CHMP1A: variants seen among roughly 807,000 people sequenced by gnomAD.
The protein encoded by CHMP1A is charged multivesicular body protein 1A, also known as VPS46 homolog A.
In CHMP1A, 17 loss-of-function variants were observed where a neutral mutation model predicts 27.0. The observed-to-expected ratio is 0.63, with a 90% CI of 0.43 to 0.95. The LOEUF (loss-of-function observed/expected upper bound fraction) is 0.95, where lower values mean the gene tolerates loss of function less well. Among genes scored for constraint, CHMP1A ranks in the 40% least tolerant of loss-of-function variants. CHMP1A has a pLI of 0.00. For synonymous variants in CHMP1A, 131 were observed against 107.5 expected (o/e 1.22, Z -1.35); for missense variants, 275 against 264.0 (o/e 1.04, Z -0.29).
chr16:89,657,519 G>T, intron 1 of CHMP1A, 63 bp downstream of exon 1: 7 of 1,596,090 alleles, frequency 4.4e-6, no homozygotes, highest in South Asian at 1.1e-5. Context: ...CGGAGCCCAC[G>T]CCAGTGGGAG....
intron 3 of CHMP1A, 142 bp from the exon 4 acceptor site, chr16:89,649,639 G>T (rs139789687): frequency 4.2e-6 from 4 of 958,110 alleles, no homozygotes; most frequent in Admixed American, 5.0e-5. Context: ...GCAGTGGCAC[G>T]ATCTCGACTC....
intron 1 of CHMP1A, among the ~76,000 whole-genome samples, 187 bp downstream of exon 1, chr16:89,657,395 G>A (rs1174069128): frequency 6.6e-6 from 1 of 150,722 alleles, no homozygotes; most frequent in Admixed American, 6.6e-5. Flanking sequence ...ATCGGGGGAC[G>A]ACGACCGGGA....
At chr16:89,647,031 C>A in intron 5 of CHMP1A, 172 bp downstream of exon 5, 1 of 1,522,150 alleles carries the variant, frequency 6.6e-7, no homozygotes, top group Non-Finnish European at 8.8e-7. Context: ...CCTGCCCACC[C>A]TACCTGTCAG....
In CHMP1A at chr16:89,657,701, G is replaced by A; in HGVS notation, c.-113C>T. On this transcript the variant is annotated 5_prime_UTR_variant, in exon 1 of 7. Coordinates refer to ENST00000397901, the MANE Select transcript of CHMP1A (RefSeq NM_002768.5). ...AAGCTGCACCCGGCGGGGACTTCCG[G>A]GGTCGCCGCCCCACTTCCGGTCGCA... The A allele has an allele frequency of 1.3e-6, 2 of 1,559,696 alleles. No individual in the cohort carries two copies. Among genetic ancestry groups the A allele is most frequent in the Non-Finnish European group, 1.7e-6 (2 of 1,155,210 alleles).
At chr16:89,654,025 AAC>A (rs958863695) in intron 1 of CHMP1A, 102 bp from the exon 2 acceptor site, 65 of 1,245,986 alleles carry the variant, frequency 5.2e-5, no homozygotes, top group Non-Finnish European at 7.2e-5. Flanking sequence ...CAGGAGCTAG[AAC>A]ACACACACAG....
chr16:89,648,773 C>G (rs1353527024), intron 4 of CHMP1A, among the ~76,000 whole-genome samples: 1 of 100,700 alleles, frequency 9.9e-6, no homozygotes, highest in Non-Finnish European at 2.1e-5. Context: ...TGCCTGTGGT[C>G]TCAGCTACTT....
At chr16:89,653,408 G>A (rs1231015142) in intron 2 of CHMP1A, among the ~76,000 whole-genome samples, 1 of 150,056 alleles carries the variant, frequency 6.7e-6, no homozygotes, top group East Asian at 2.0e-4. Flanking sequence ...ATCACGAGGT[G>A]AAGAGATCGA....
At chr16:89,648,736 A>G (rs1289364768) in intron 4 of CHMP1A, among the ~76,000 whole-genome samples, 1 of 81,350 alleles carries the variant, frequency 1.2e-5, no homozygotes, top group Non-Finnish European at 2.4e-5. Flanking sequence ...ATAAAAATGA[A>G]AAAAATCAGC....
intron 1 of CHMP1A, among the ~76,000 whole-genome samples, chr16:89,654,811 C>T (rs1345855442): frequency 4.0e-5 from 6 of 151,850 alleles, no homozygotes; most frequent in African/African-American, 1.2e-4. Flanking sequence ...GGCGTGGTGG[C>T]GGGCGCCTGT....
At chr16:89,646,972 T>C (rs2059778878) in intron 5 of CHMP1A, 1 of 1,370,616 alleles carries the variant, frequency 7.3e-7, no homozygotes, top group Non-Finnish European at 9.6e-7. Context: ...TTGTCTGCCA[T>C]CCGAGCCTCC....
In CHMP1A at chr16:89,648,536, C is replaced by G. The variant is rs755730926; in HGVS notation, c.252+815G>C. ...CAAGGCTCTGCTGTGACGTCCCTGA[C>G]CCAGCAGATGAGCCTGGCCATGCAG... is the stretch of plus-strand genomic sequence containing the variant. On this transcript the variant is annotated intron_variant, in intron 4 of 6. Transcript: ENST00000397901. Among the ~76,000 whole-genome samples the G allele has an allele frequency of 2.0e-5, 3 of 152,316 alleles. No individual in the cohort carries two copies. In the East Asian group the frequency reaches 5.8e-4, roughly 29 times the overall value.
At position 89,645,923 on chromosome 16, in the gene CHMP1A, C is replaced by G. The variant is rs1328947264; in HGVS notation, c.*143G>C. On this transcript the variant is annotated 3_prime_UTR_variant, in exon 7 of 7. Transcript: ENST00000397901. ...AAGAACAGGAACAACCCTAAGGCCACGCAGGCCTGGCAGGTGAGAGACGCA... is the reference window on the plus strand; with the variant it reads ...AAGAACAGGAACAACCCTAAGGCCAGGCAGGCCTGGCAGGTGAGAGACGCA... 15 of 1,609,992 alleles carry G rather than the reference C, an allele frequency of 9.3e-6. No individual in the cohort carries two copies. Among genetic ancestry groups the G allele is most frequent in the Non-Finnish European group, 1.3e-5 (15 of 1,178,240 alleles).
Position 89,645,813 on chromosome 16 carries a change from C to T in CHMP1A, c.*253G>A, listed in dbSNP as rs1366507916. On this transcript the variant is annotated 3_prime_UTR_variant, in exon 7 of 7. Coordinates refer to ENST00000397901, the MANE Select transcript of CHMP1A (RefSeq NM_002768.5). ...GTCCACAGGGCCCCTCTTGGCCTCC[C>T]CGCTGTGGGCCCAGAGTCACAGAAA... The T allele has an allele frequency of 1.6e-5, 19 of 1,222,812 alleles. No individual in the cohort carries two copies. In the African/African-American group the frequency reaches 2.0e-4, roughly 13 times the overall value. The allele number at this position is 1,222,812 out of a possible 1,614,324, so 75.7% of individuals were successfully genotyped here.
At chr16:89,651,737 G>A (rs556605839) in intron 2 of CHMP1A, 91 bp from the exon 3 acceptor site, 10 of 1,277,152 alleles carry the variant, frequency 7.8e-6, no homozygotes, top group Admixed American at 2.2e-5. Flanking sequence ...GCCCACACCT[G>A]TGCCCACACA....
chr16:89,654,739 G>A (rs1006069084), intron 1 of CHMP1A, among the ~76,000 whole-genome samples: 3 of 152,086 alleles, frequency 2.0e-5, no homozygotes, highest in Non-Finnish European at 4.4e-5. Flanking sequence ...TCAGGAGATC[G>A]AGACCATCCT....
Position 89,657,702 on chromosome 16 carries a change from G to C in CHMP1A, c.-114C>G. ...AGCTGCACCCGGCGGGGACTTCCGG[G>C]GTCGCCGCCCCACTTCCGGTCGCAC... On this transcript the variant is annotated 5_prime_UTR_variant, in exon 1 of 7. Transcript: ENST00000397901. 1.3e-6 allele frequency: 2 copies of C among 1,558,086 alleles called. No homozygotes were observed.
Position 89,657,680 on chromosome 16 carries a change from T to G in CHMP1A, c.-92A>C, listed in dbSNP as rs1035178428. On this transcript the variant is annotated 5_prime_UTR_variant, in exon 1 of 7. Transcript: ENST00000397901. ...CCGGCGGCGATCGAACCGACCAAGC[T>G]GCACCCGGCGGGGACTTCCGGGGTC... 20 of 1,557,500 alleles carry G rather than the reference T, an allele frequency of 1.3e-5. No homozygotes were observed. In the Admixed American group the frequency reaches 1.6e-4, roughly 12 times the overall value.
chr16:89,656,197 C>T (rs969844346), intron 1 of CHMP1A, among the ~76,000 whole-genome samples: 3 of 152,174 alleles, frequency 2.0e-5, no homozygotes, highest in East Asian at 1.9e-4. Flanking sequence ...AGTGAAGTGG[C>T]GCGATCTCGG....
chr16:89,646,502 A>T (rs1223575219), intron 6 of CHMP1A, 25 bp downstream of exon 6: 1 of 1,544,974 alleles, frequency 6.5e-7, no homozygotes, highest in South Asian at 1.2e-5. Context: ...GGTTGGTGAC[A>T]CAGCGTTTCG....
Sources: allele counts gnomAD v4.1 joint callset (sites outside exome capture counted in the v4.1 genomes callset), GRCh38; gene constraint gnomAD v4.1.1; transcripts MANE v1.5; gene names NCBI Gene and HGNC (gene_info 2026-07-23, HGNC 2026-07-21).